The following PLTP variants were observed in gnomAD, a reference collection of about 807,000 sequenced individuals.
PLTP encodes BPI fold containing family E.
Under a neutral mutation model 54.1 loss-of-function variants are expected in PLTP, and 43 were observed. The observed-to-expected ratio is 0.79, with a 90% CI of 0.62 to 1.02. The LOEUF (loss-of-function observed/expected upper bound fraction) is 1.02. Ranked by LOEUF, PLTP falls within the 50% of genes least tolerant of loss-of-function variation. The pLI is 0.00. For synonymous variants in PLTP, 263 were observed against 264.6 expected (o/e 0.99, Z 0.06); for missense variants, 604 against 645.9 (o/e 0.94, Z 0.70).
In PLTP at chr20:45,899,432, TCCCTCCTTCC is replaced by T. The variant is rs2083152685; in HGVS notation, c.1359+20_1359+29del. The T allele has an allele frequency of 6.2e-7, 1 of 1,600,908 alleles. No individual in the cohort carries two copies. Among genetic ancestry groups the T allele is most frequent in the African/African-American group, 1.3e-5 (1 of 74,478 alleles). ...GAGCTATAGAGAGAGGGGAAGGCCC[TCCCTCCTTCC>T]CCATCCTGCCCCCACTCACCGCATG... On this transcript the variant is annotated intron_variant, in intron 15 of 15. Transcript: ENST00000372431.
chr20:45,899,252 C>CT (rs1267138553), intron 15 of PLTP, among the ~76,000 whole-genome samples, 189 bp from the exon 16 acceptor site: 1 of 152,110 alleles, frequency 6.6e-6, no homozygotes, highest in Non-Finnish European at 1.5e-5. Flanking sequence ...GAGGTGACCT[C>CT]TGAGCTAAGA....
chr20:45,908,962 ATT>A (rs772186266), intron 5 of PLTP, among the ~76,000 whole-genome samples: 4,882 of 117,762 alleles, frequency 0.041, 71 homozygotes, highest in African/African-American at 0.05. Context: ...GCTGTTCTAA[ATT>A]TTTTTTTTTT....
Position 45,907,730 on chromosome 20 carries a change from C to T in PLTP, c.575G>A (p.Gly192Glu), listed in dbSNP as rs766836760. ...CAGGAGGGAGTTGAGCAGGACCGTCCCTGCGTGGTAGAGGACAGGGCAGAT... is the reference window on the plus strand; with the variant it reads ...CAGGAGGGAGTTGAGCAGGACCGTCTCTGCGTGGTAGAGGACAGGGCAGAT... ...QQICPVLYHA[G>E]TVLLNSLLDT... is the part of the protein sequence containing the mutation. Residue 192 changes from glycine (G) to glutamate (E), a missense_variant, in exon 7 of 16, where the codon GGG becomes GAG. Physicochemically the swap from Gly to Glu is moderately conservative, Grantham distance 98. Coordinates refer to ENST00000372431, the MANE Select transcript of PLTP (RefSeq NM_006227.4). The T allele has an allele frequency of 6.2e-7, 1 of 1,613,840 alleles. No homozygotes were observed. The highest frequency in any genetic ancestry group is 1.1e-5 in the South Asian group (1 of 90,930).
chr20:45,903,142 A>C (rs2083203175), intron 10 of PLTP, among the ~76,000 whole-genome samples: 1 of 151,946 alleles, frequency 6.6e-6, no homozygotes. Flanking sequence ...TCGGCCTCCC[A>C]AAGTGCTGGG....
At chr20:45,904,139 A>T (rs538745247) in intron 10 of PLTP, among the ~76,000 whole-genome samples, 77 of 152,332 alleles carry the variant, frequency 5.1e-4, no homozygotes, top group African/African-American at 1.8e-3. Context: ...CATAAATTGG[A>T]TGATGATAAT....
Position 45,907,827 on chromosome 20 carries a change from G to A in PLTP, c.549+14C>T, listed in dbSNP as rs985397677. ...GCCCACCCTTGCCACCCTGCGACCT[G>A]TCGCTGCCCACACCTGCTGGTTGAG... On this transcript the variant is annotated intron_variant, in intron 6 of 15. Coordinates refer to ENST00000372431, the MANE Select transcript of PLTP (RefSeq NM_006227.4). 4 of 1,604,128 alleles carry A rather than the reference G, an allele frequency of 2.5e-6. No homozygotes were observed. The highest frequency in any genetic ancestry group is 3.5e-5 in the Admixed American group (2 of 57,868).
At chr20:45,905,167 C>G (rs771208265) in intron 8 of PLTP, 49 bp from the exon 9 acceptor site, 8 of 1,557,828 alleles carry the variant, frequency 5.1e-6, no homozygotes, top group Middle Eastern at 1.7e-4. Flanking sequence ...GGCCTGGCAC[C>G]TGGACTGACA....
Position 45,906,280 on chromosome 20 carries a change from G to C in PLTP, c.693C>G (p.Asp231Glu). The change falls in exon 8 of 16, where the codon GAC becomes GAG. Residue 231 changes from aspartate (D) to glutamate (E), a missense_variant. Asp to Glu is a conservative substitution (Grantham distance 45). Transcript: ENST00000372431. The stretch of plus-strand genomic sequence containing the variant: ...CCAAGCAGCTCACCCGGAAGTCCAT[G>C]TCCAGGTTGCTGGTGGAAGCCACAG... ...KDPVASTSNL[D>E]MDFRGAFFPL... 6.2e-7 allele frequency: 1 copy of C among 1,612,614 alleles called. No individual in the cohort carries two copies. Among genetic ancestry groups the C allele is most frequent in the Non-Finnish European group, 8.5e-7 (1 of 1,178,626 alleles).
At chr20:45,910,866 T>C in intron 3 of PLTP, 2 of 1,327,714 alleles carry the variant, frequency 1.5e-6, no homozygotes, top group Non-Finnish European at 9.7e-7. Flanking sequence ...GTTCCTTGAC[T>C]CCACCTTTCT....
chr20:45,905,136 C>T lies in PLTP; in HGVS notation c.706-18G>A. On this transcript the variant is annotated intron_variant, in intron 8 of 15. Coordinates refer to ENST00000372431, the MANE Select transcript of PLTP (RefSeq NM_006227.4). The stretch of plus-strand genomic sequence containing the variant: ...AAGGCCCCCTGGGGTGGGGCATTCA[C>T]AGTCAGGGTCAAGGCAGACTGGCCT... 1 of 1,612,502 alleles carries T rather than the reference C, an allele frequency of 6.2e-7. No homozygotes were observed. Among genetic ancestry groups the T allele is most frequent in the East Asian group, 2.2e-5 (1 of 44,868 alleles).
rs1227580210 is a variant in PLTP at position 45,899,878 on chromosome 20, C to G, written c.1176G>C (p.Arg392Ser). The change falls in exon 13 of 16, where the codon AGG becomes AGC. Residue 392 changes from arginine (R) to serine (S), a missense_variant and splice_region_variant. Arg to Ser is a moderately radical substitution (Grantham distance 110, BLOSUM62 -1). Coordinates refer to ENST00000372431, the MANE Select transcript of PLTP (RefSeq NM_006227.4). ...KALRTQLDLR[R>S]FRIYSNHSAL... ...CAGAATGGTTGGAATAGATTCGGAA[C>G]CTGCGGGAAAGAAAGGAGCCCTGTG... 8 of 1,421,890 alleles carry G rather than the reference C, an allele frequency of 5.6e-6. No homozygotes were observed. Among genetic ancestry groups the G allele is most frequent in the Non-Finnish European group, 7.4e-6 (8 of 1,074,776 alleles). 88.1% of individuals were successfully genotyped at this position (1,421,890 alleles called of 1,614,324 possible).
rs1440285264 is a variant in PLTP at position 45,898,920 on chromosome 20, G to T, written c.*21C>A. On this transcript the variant is annotated 3_prime_UTR_variant, in exon 16 of 16. Transcript: ENST00000372431. This position sits in a 1 kb window ranked among gnomAD's most constrained non-coding sequence, Gnocchi z 4.6. Reference sequence around the variant, plus strand: ...GGGGTTGGGGTCCTGAATGACAGCTGCCAGCTTGGGGATTGAGGGCTCAGA... The same window carrying T: ...GGGGTTGGGGTCCTGAATGACAGCTTCCAGCTTGGGGATTGAGGGCTCAGA... 6.2e-7 allele frequency: 1 copy of T among 1,612,236 alleles called. No individual in the cohort carries two copies. Among genetic ancestry groups the T allele is most frequent in the East Asian group, 2.2e-5 (1 of 44,814 alleles).
In PLTP at chr20:45,906,464, C is replaced by T. The variant is rs142953134; in HGVS notation, c.614-105G>A. 4.5e-4 allele frequency: 384 copies of T among 847,604 alleles called. 2 individuals carry two copies. The African/African-American group carries it at 5.9e-3, about 13-fold the overall frequency. The allele number at this position is 847,604 out of a possible 1,614,324, so 52.5% of individuals were successfully genotyped here. On this transcript the variant is annotated intron_variant, in intron 7 of 15. Transcript: ENST00000372431. Reference sequence around the variant, plus strand: ...CCATAAAATGAGGATACATCCTTCACAGGGTTGTCATGAGGGTCAAATTAG... The same window carrying T: ...CCATAAAATGAGGATACATCCTTCATAGGGTTGTCATGAGGGTCAAATTAG...
At chr20:45,899,089 T>A in intron 15 of PLTP, 26 bp from the exon 16 acceptor site, 10 of 1,613,904 alleles carry the variant, frequency 6.2e-6, no homozygotes, top group Non-Finnish European at 8.5e-6. Context: ...GGGAGCCTCA[T>A]TTATTCATTC....
chr20:45,904,598 T>C (rs1377221442), intron 10 of PLTP, among the ~76,000 whole-genome samples: 2 of 152,134 alleles, frequency 1.3e-5, no homozygotes, highest in African/African-American at 4.8e-5. Flanking sequence ...ACAGCAGCTC[T>C]GCGAAGGAGA....
chr20:45,911,124 G>A, intron 3 of PLTP, 28 bp downstream of exon 3: 1 of 1,606,920 alleles, frequency 6.2e-7, no homozygotes, highest in Non-Finnish European at 8.5e-7. Flanking sequence ...GCCCCGCCCC[G>A]GATCGCGAGG....
chr20:45,904,776 A>G, intron 10 of PLTP, 24 bp downstream of exon 10: 1 of 1,613,324 alleles, frequency 6.2e-7, no homozygotes, highest in Non-Finnish European at 8.5e-7. Flanking sequence ...AGGTGGCCCT[A>G]TCCCTGCCCC....
intron 1 of PLTP, chr20:45,911,675 G>T: frequency 1.5e-6 from 1 of 653,818 alleles, no homozygotes; most frequent in Non-Finnish European, 2.6e-6. Context: ...GAGGATTTGG[G>T]ACACGGGGGA....
intron 3 of PLTP, among the ~76,000 whole-genome samples, chr20:45,910,433 T>G (rs1475301642): frequency 6.6e-6 from 1 of 151,990 alleles, no homozygotes; most frequent in Non-Finnish European, 1.5e-5. Context: ...CTGGCCAACA[T>G]AGTGAAACCC....
Sources: gnomAD v4.1 joint callset for allele counts (sites outside exome capture counted in the v4.1 genomes callset) on GRCh38, gnomAD v4.1.1 for gene constraint, Gnocchi (gnomAD v3.1) non-coding constraint, MANE v1.5 for transcripts, NCBI Gene and HGNC (gene_info 2026-07-23, HGNC 2026-07-21) for gene names.